Variants in DZIP1 observed in about 807,000 individuals in gnomAD.
DZIP1 encodes cilium assembly protein DZIP1.
A neutral mutation model predicts 107.6 loss-of-function variants in DZIP1; 97 were observed. That is an observed-to-expected ratio of 0.90 (90% CI 0.77 to 1.07). The LOEUF (loss-of-function observed/expected upper bound fraction) is 1.07. Among genes scored for constraint, DZIP1 ranks in the 50% least tolerant of loss-of-function variants. The pLI is 0.00. For missense variants in DZIP1, 1,035 were observed against 1,063.6 expected (o/e 0.97, Z 0.37); for synonymous variants, 390 against 386.4 (o/e 1.01, Z -0.11).
Position 95,641,800 on chromosome 13 carries a change from A to T in DZIP1, c.92T>A (p.Val31Asp). 2.7e-6 allele frequency: 4 copies of T among 1,495,662 alleles called. No homozygotes were observed. The highest frequency in any genetic ancestry group is 3.5e-6 in the Non-Finnish European group (4 of 1,131,964). 92.6% of individuals were successfully genotyped at this position (1,495,662 alleles called of 1,614,324 possible). Reference sequence around the variant, plus strand: ...ACCCGCGGCGGCGGCGGCCACAGCGACGTCGGGCCCCTCTGGGCCGCTGGC... The same window carrying T: ...ACCCGCGGCGGCGGCGGCCACAGCGTCGTCGGGCCCCTCTGGGCCGCTGGC... ...PLASGPEGPD[V>D]AVAAAAAGAA... is the part of the protein sequence containing the mutation. The change falls in exon 5 of 23, where the codon GTC becomes GAC. Residue 31 changes from valine to aspartate, a missense_variant. Transcript: ENST00000376829. The surrounding 1 kb of genome is among the most constrained non-coding windows in gnomAD (Gnocchi z 4.3).
Position 95,590,409 on chromosome 13 carries a change from A to G in DZIP1, c.1713T>C (p.His571=), listed in dbSNP as rs770299489. Residue 571 remains histidine, a synonymous_variant, in exon 17 of 23, where the codon CAT becomes CAC. Coordinates refer to ENST00000376829, the MANE Select transcript of DZIP1 (RefSeq NM_198968.4). ...CTGATTCCACACTTTTTAGTACTCTATGCAACTGATCACTTGAAATGCCAC... is the reference window on the plus strand; with the variant it reads ...CTGATTCCACACTTTTTAGTACTCTGTGCAACTGATCACTTGAAATGCCAC... ...DIRGISSDQL[H]RVLKSVESER... The G allele has an allele frequency of 8.7e-6, 14 of 1,611,336 alleles. No individual in the cohort carries two copies. The highest frequency in any genetic ancestry group is 1.3e-5 in the African/African-American group (1 of 74,882).
chr13:95,599,100 A>T (rs145958952), intron 15 of DZIP1, among the ~76,000 whole-genome samples: 52 of 152,080 alleles, frequency 3.4e-4, no homozygotes, highest in African/African-American at 1.1e-3. Context: ...ATAAAGACAA[A>T]TTTTTTTTCA....
At chr13:95,633,110 CTGAAT>C in intron 6 of DZIP1, 119 bp downstream of exon 6, 1 of 875,138 alleles carries the variant, frequency 1.1e-6, no homozygotes. Flanking sequence ...TATTTACTTA[CTGAAT>C]TGACAGGGAC....
At chr13:95,639,329 G>A (rs971939750) in intron 5 of DZIP1, among the ~76,000 whole-genome samples, 3 of 152,060 alleles carry the variant, frequency 2.0e-5, no homozygotes, top group Non-Finnish European at 2.9e-5. Context: ...GGTGGCTCAC[G>A]TCTGTAATCC....
intron 14 of DZIP1, 95 bp from the exon 15 acceptor site, chr13:95,599,519 G>C (rs575856184): frequency 4.4e-6 from 5 of 1,138,122 alleles, no homozygotes; most frequent in Non-Finnish European, 6.6e-6. Flanking sequence ...TCATTCCATG[G>C]TATTTTAGTC....
chr13:95,583,958 TA>T (rs200766303), intron 22 of DZIP1, among the ~76,000 whole-genome samples: 2 of 151,290 alleles, frequency 1.3e-5, no homozygotes, highest in African/African-American at 2.4e-5. Context: ...CCCCATATCC[TA>T]AAAAAAATAA....
At chr13:95,629,870 T>C (rs1876988147) in intron 7 of DZIP1, 119 bp downstream of exon 7, 2 of 1,018,524 alleles carry the variant, frequency 2.0e-6, no homozygotes, top group Admixed American at 3.4e-5. Flanking sequence ...CAATAAAAAA[T>C]GCAATCATCT....
At position 95,641,286 on chromosome 13, in the gene DZIP1, GCTGCCCAC is replaced by G. The variant is rs779771479; in HGVS notation, c.597+1_597+8del. 1 of 1,567,234 alleles carries G rather than the reference GCTGCCCAC, an allele frequency of 6.4e-7. No individual in the cohort carries two copies. Among genetic ancestry groups the G allele is most frequent in the Non-Finnish European group, 8.7e-7 (1 of 1,150,886 alleles). ...GGATTATGAATCGTGCTCACACACA[GCTGCCCAC>G]CTGGTAATAGTTGGCTTTGGCCTCG... On this transcript the variant is annotated splice_donor_variant and splice_donor_5th_base_variant and intron_variant, in intron 5 of 22. Coordinates refer to ENST00000376829, the MANE Select transcript of DZIP1 (RefSeq NM_198968.4). LOFTEE classifies it high-confidence loss of function. This position sits in a 1 kb window ranked among gnomAD's most constrained non-coding sequence, Gnocchi z 4.3.
At position 95,612,034 on chromosome 13, in the gene DZIP1, T is replaced by C; in HGVS notation, c.1314+3A>G. ...CACGGTGCCACACTGCCGCCAGACA[T>C]ACCTGCTGTCTCTGAGTTATAATCA... On this transcript the variant is annotated splice_donor_region_variant and intron_variant, in intron 11 of 22. Coordinates refer to ENST00000376829, the MANE Select transcript of DZIP1 (RefSeq NM_198968.4). 1 of 1,613,258 alleles carries C rather than the reference T, an allele frequency of 6.2e-7. No homozygotes were observed.
At chr13:95,593,864 C>A in intron 16 of DZIP1, 80 bp downstream of exon 16, 1 of 1,499,102 alleles carries the variant, frequency 6.7e-7, no homozygotes, top group Non-Finnish European at 8.9e-7. Context: ...GATGTGCTTT[C>A]TTCTCTTCCA....
chr13:95,612,581 G>A (rs746447943), intron 10 of DZIP1, among the ~76,000 whole-genome samples: 4 of 152,016 alleles, frequency 2.6e-5, no homozygotes, highest in Non-Finnish European at 4.4e-5. Context: ...ACATCTTAAT[G>A]TTTTTGTTGT....
intron 21 of DZIP1, 21 bp from the exon 22 acceptor site, chr13:95,584,931 A>G (rs2044121470): frequency 1.3e-6 from 2 of 1,597,016 alleles, no homozygotes; most frequent in Non-Finnish European, 1.7e-6. Context: ...GGCATGGAGA[A>G]TAATTAATGT....
intron 14 of DZIP1, among the ~76,000 whole-genome samples, chr13:95,603,582 C>T (rs986880745): frequency 1.3e-5 from 2 of 152,086 alleles, no homozygotes; most frequent in Admixed American, 6.6e-5. Flanking sequence ...TTAACAGCAA[C>T]AAAGTATACT....
intron 19 of DZIP1, chr13:95,587,978 T>A: frequency 2.4e-6 from 1 of 419,998 alleles, no homozygotes; most frequent in Non-Finnish European, 4.2e-6. Flanking sequence ...AGCCGGGGCC[T>A]GTCTCCTCTA....
At chr13:95,629,069 A>C (rs1876888520) in intron 7 of DZIP1, among the ~76,000 whole-genome samples, 1 of 152,244 alleles carries the variant, frequency 6.6e-6, no homozygotes, top group African/African-American at 2.4e-5. Context: ...GGAAGACAGA[A>C]GCCTCTGTCA....
chr13:95,583,484 A>C (rs2044064724), intron 22 of DZIP1, among the ~76,000 whole-genome samples: 1 of 152,162 alleles, frequency 6.6e-6, no homozygotes. Flanking sequence ...GGCATAGAGA[A>C]GCCTTCTGAA....
chr13:95,631,478 C>A (rs983521361), intron 6 of DZIP1, among the ~76,000 whole-genome samples: 8 of 150,788 alleles, frequency 5.3e-5, no homozygotes, highest in African/African-American at 1.7e-4. Context: ...AAAAAAAAAA[C>A]AAAAAACGAT....
chr13:95,591,054 A>G (rs2044299421), intron 16 of DZIP1, among the ~76,000 whole-genome samples: 1 of 143,514 alleles, frequency 7.0e-6, no homozygotes, highest in Non-Finnish European at 1.5e-5. Context: ...CCTGAGACAG[A>G]GTCTCGCCCT....
intron 16 of DZIP1, among the ~76,000 whole-genome samples, chr13:95,593,497 C>G (rs115576818): frequency 6.6e-6 from 1 of 152,142 alleles, no homozygotes; most frequent in Non-Finnish European, 1.5e-5. Flanking sequence ...TTCAATCTGG[C>G]AACAATATGA....
Sources: allele counts gnomAD v4.1 joint callset (sites outside exome capture counted in the v4.1 genomes callset), GRCh38; gene constraint gnomAD v4.1.1; non-coding constraint Gnocchi (gnomAD v3.1); transcripts MANE v1.5; gene names NCBI Gene and HGNC (gene_info 2026-07-23, HGNC 2026-07-21).